CACNA2D3: variants seen among roughly 807,000 people sequenced by gnomAD.
CACNA2D3 encodes calcium voltage-gated channel auxiliary subunit alpha2delta 3.
CACNA2D3 carries 60 observed loss-of-function variants against 160.6 expected under a neutral mutation model. The ratio of observed to expected loss-of-function variants is 0.37; its 90% CI spans 0.30 to 0.46. The LOEUF is 0.46. CACNA2D3 is among the 20% of genes least tolerant of loss of function. The probability of loss-of-function intolerance (pLI) is 1.00; values close to 1 mark genes in which losing one functional copy is unlikely to be tolerated. For synonymous variants in CACNA2D3, 558 were observed against 492.9 expected (o/e 1.13, Z -1.75); for missense variants, 1,205 against 1,365.0 (o/e 0.88, Z 1.85).
intron 2 of CACNA2D3, among the ~76,000 whole-genome samples, chr3:54,296,282 C>G (rs1490790981): frequency 6.6e-6 from 1 of 152,192 alleles, no homozygotes; most frequent in Non-Finnish European, 1.5e-5. Flanking sequence ...CAGAGGATGT[C>G]TTTTGCTTTC....
At chr3:54,871,182 G>GAC (rs376258511) in intron 17 of CACNA2D3, among the ~76,000 whole-genome samples, 5,302 of 127,638 alleles carry the variant, frequency 0.042, 125 homozygotes, top group Middle Eastern at 0.073. Context: ...TATAGGTGGA[G>GAC]ACACACACAC....
chr3:54,587,634 G>A (rs1229498772), intron 9 of CACNA2D3, among the ~76,000 whole-genome samples: 2 of 151,920 alleles, frequency 1.3e-5, no homozygotes, highest in Non-Finnish European at 2.9e-5. Context: ...AACAAGAGAC[G>A]CCAGTACTGA....
chr3:55,053,179 G>A (rs1458165122), intron 35 of CACNA2D3, among the ~76,000 whole-genome samples: 1 of 151,808 alleles, frequency 6.6e-6, no homozygotes, highest in Admixed American at 6.5e-5. Context: ...CTATCCCCAA[G>A]TTACTACTGA....
chr3:54,482,197 G>GA (rs752406523), intron 4 of CACNA2D3, among the ~76,000 whole-genome samples: 49 of 152,344 alleles, frequency 3.2e-4, no homozygotes, highest in Non-Finnish European at 5.6e-4. Context: ...GGGAGCAGAG[G>GA]AGGGGCAGTG....
intron 11 of CACNA2D3, among the ~76,000 whole-genome samples, chr3:54,736,725 G>T (rs544364496): frequency 6.6e-6 from 1 of 152,260 alleles, no homozygotes; most frequent in South Asian, 2.1e-4. Flanking sequence ...GGATCTGCTG[G>T]TTCATGCACT....
chr3:54,195,785 C>T (rs192502622), intron 2 of CACNA2D3, among the ~76,000 whole-genome samples: 5 of 152,290 alleles, frequency 3.3e-5, no homozygotes, highest in Admixed American at 3.3e-4. Context: ...GGATGTCAAG[C>T]ATCCTTCAGT....
chr3:54,503,773 A>G (rs1701328141), intron 5 of CACNA2D3, 119 bp downstream of exon 5: 2 of 825,134 alleles, frequency 2.4e-6, no homozygotes, highest in Admixed American at 2.4e-5. Context: ...AAGCACAGTT[A>G]TAAGCTGAGT....
chr3:54,842,838 T>G (rs1698850151), intron 16 of CACNA2D3, among the ~76,000 whole-genome samples: 1 of 151,896 alleles, frequency 6.6e-6, no homozygotes, highest in African/African-American at 2.4e-5. Flanking sequence ...TAACCTGAAG[T>G]GATCTGCCTG....
intron 3 of CACNA2D3, among the ~76,000 whole-genome samples, chr3:54,350,968 G>GTTTTGTTTTTTTT (rs1698543203): frequency 3.6e-5 from 2 of 56,106 alleles, no homozygotes; most frequent in African/African-American, 1.3e-4. Context: ...TCTTGAGTCT[G>GTTTTGTTTTTTTT]TTTTTTTTTT....
intron 13 of CACNA2D3, among the ~76,000 whole-genome samples, chr3:54,780,390 A>G (rs1702509421): frequency 6.6e-6 from 1 of 152,222 alleles, no homozygotes; most frequent in African/African-American, 2.4e-5. Flanking sequence ...ATGTTGGGGA[A>G]AAGATTGATT....
intron 17 of CACNA2D3, among the ~76,000 whole-genome samples, chr3:54,851,748 T>C (rs1299755050): frequency 2.0e-5 from 3 of 152,260 alleles, no homozygotes; most frequent in African/African-American, 7.2e-5. Flanking sequence ...TGAAATTAAA[T>C]TTAAGAATAT....
At chr3:54,233,008 A>G (rs957635927) in intron 2 of CACNA2D3, among the ~76,000 whole-genome samples, 1 of 152,322 alleles carries the variant, frequency 6.6e-6, no homozygotes, top group Admixed American at 6.5e-5. Flanking sequence ...ATACGCAATA[A>G]GGTGAATGCT....
At chr3:54,468,929 G>T (rs1700679063) in intron 4 of CACNA2D3, among the ~76,000 whole-genome samples, 1 of 152,212 alleles carries the variant, frequency 6.6e-6, no homozygotes, top group South Asian at 2.1e-4. Context: ...GCCCCGGTTA[G>T]GGGCTTATAG....
intron 2 of CACNA2D3, among the ~76,000 whole-genome samples, chr3:54,195,624 G>A (rs1355184217): frequency 1.3e-5 from 2 of 152,216 alleles, no homozygotes; most frequent in African/African-American, 2.4e-5. Flanking sequence ...GGTCCTGTGG[G>A]GCTAGTGAGC....
intron 2 of CACNA2D3, among the ~76,000 whole-genome samples, chr3:54,157,155 A>G (rs895619274): frequency 1.3e-5 from 2 of 152,168 alleles, no homozygotes; most frequent in African/African-American, 2.4e-5. Flanking sequence ...GTGTCCTCAC[A>G]TGGTCTTTCC....
chr3:54,863,001 G>T (rs943368956), intron 17 of CACNA2D3, among the ~76,000 whole-genome samples: 42 of 152,134 alleles, frequency 2.8e-4, no homozygotes, highest in Non-Finnish European at 1.5e-4. Context: ...TAATGTCAAA[G>T]AAAGTTCTGT....
intron 2 of CACNA2D3, among the ~76,000 whole-genome samples, chr3:54,162,922 G>C (rs535328074): frequency 1.3e-5 from 2 of 152,314 alleles, no homozygotes; most frequent in East Asian, 3.9e-4. Context: ...AATAGGGTAA[G>C]GGGATAGAGA....
At chr3:54,195,600 A>G (rs1044719731) in intron 2 of CACNA2D3, among the ~76,000 whole-genome samples, 1 of 152,232 alleles carries the variant, frequency 6.6e-6, no homozygotes, top group Non-Finnish European at 1.5e-5. Context: ...AAGGAGGTTG[A>G]GTAAGGTGCC....
chr3:54,434,636 A>G (rs1401099515), intron 4 of CACNA2D3, among the ~76,000 whole-genome samples: 1 of 152,226 alleles, frequency 6.6e-6, no homozygotes, highest in Admixed American at 6.5e-5. Context: ...GTCCTCTGAC[A>G]GCATGCTCAG....
Sources: gnomAD v4.1 joint callset for allele counts (sites outside exome capture counted in the v4.1 genomes callset) on GRCh38, gnomAD v4.1.1 for gene constraint, MANE v1.5 for transcripts, NCBI Gene and HGNC (gene_info 2026-07-23, HGNC 2026-07-21) for gene names.